The following HDAC6 variants were observed in gnomAD, a reference collection of about 807,000 sequenced individuals.
HDAC6 encodes the protein histone deacetylase 6, also known as protein deacetylase HDAC6.
HDAC6 carries 5 observed loss-of-function variants against 88.9 expected under a neutral mutation model. The ratio of observed to expected loss-of-function variants is 0.06; its 90% CI spans 0.03 to 0.12. HDAC6 has a LOEUF of 0.12. Among genes scored for constraint, HDAC6 ranks in the 10% least tolerant of loss-of-function variants. The probability of loss-of-function intolerance (pLI) is 1.00; values close to 1 mark genes in which losing one functional copy is unlikely to be tolerated. For missense variants in HDAC6, 706 were observed against 1,014.4 expected, an observed-to-expected ratio of 0.70 and a Z score of 4.13; for synonymous variants, 378 against 398.0, an observed-to-expected ratio of 0.95 and a Z score of 0.60.
intron 4 of HDAC6, 100 bp from the exon 5 acceptor site, chrX:48,805,338 G>A (rs2062797747): frequency 8.3e-6 from 5 of 604,321 alleles, no homozygotes; most frequent in Non-Finnish European, 1.3e-5. Flanking sequence ...CAGTTTTGGG[G>A]TAAGCAGCTG....
At chrX:48,812,183 G>A (rs1224003955) in intron 10 of HDAC6, among the ~76,000 whole-genome samples, 1 of 112,264 alleles carries the variant, frequency 8.9e-6, no homozygotes, top group African/African-American at 3.2e-5. Flanking sequence ...GTACACTATT[G>A]ATTACACACA....
chrX:48,817,837 G>T, intron 20 of HDAC6: 2 of 447,029 alleles, frequency 4.5e-6, no homozygotes, highest in Non-Finnish European at 7.8e-6. Context: ...CAATGACCCA[G>T]AAGAGCCCAG....
At chrX:48,817,684 G>A in intron 20 of HDAC6, 1 of 417,650 alleles carries the variant, frequency 2.4e-6, no homozygotes, top group Non-Finnish European at 4.1e-6. Context: ...TACAAAACAG[G>A]ATCCAGGGTC....
intron 20 of HDAC6, 36 bp downstream of exon 20, chrX:48,817,495 C>A: frequency 8.5e-7 from 1 of 1,171,504 alleles, no homozygotes; most frequent in South Asian, 1.9e-5. Context: ...AATCCTGATC[C>A]TTGTGGGGAC....
intron 10 of HDAC6, chrX:48,810,590 T>C (rs2062886005): frequency 9.1e-6 from 1 of 109,772 alleles, no homozygotes; most frequent in Admixed American, 9.7e-5. Context: ...CTCTCTTTTT[T>C]ATTATTTATT....
At position 48,806,037 on chromosome X, in the gene HDAC6, C is replaced by T; in HGVS notation, c.438-331C>T. Reference sequence around the variant, plus strand: ...TGCTATGTGGCTTGAGGAAAGCTAGCTTCCAGAGCAGGTATCTGAGCTGAA... The same window carrying T: ...TGCTATGTGGCTTGAGGAAAGCTAGTTTCCAGAGCAGGTATCTGAGCTGAA... On this transcript the variant is annotated intron_variant, in intron 6 of 28. Coordinates refer to ENST00000334136, the MANE Select transcript of HDAC6 (RefSeq NM_006044.4). The T allele has an allele frequency of 1.1e-5, 4 of 359,073 alleles. No individual in the cohort carries two copies. In the South Asian group the frequency reaches 1.9e-4, roughly 17 times the overall value. 29.6% of individuals were successfully genotyped at this position (359,073 alleles called of 1,213,427 possible).
In HDAC6 at chrX:48,824,268, T is replaced by C. The variant is rs1557031600; in HGVS notation, c.3553T>C (p.Tyr1185His). The change falls in exon 28 of 29, where the codon TAC becomes CAC. Residue 1185 changes from tyrosine (Y) to histidine (H), a missense_variant. Tyr to His is a moderately conservative substitution (Grantham distance 83). Transcript: ENST00000334136. ...CATCGACCTGTCAGCCTGGTGTTAC[T>C]ACTGTCAGGCCTATGTCCACCACCA... ...SYIDLSAWCY[Y>H]CQAYVHHQAL... The C allele has an allele frequency of 3.3e-6, 4 of 1,211,021 alleles. No individual in the cohort carries two copies. The South Asian group carries it at 7.0e-5, about 21-fold the overall frequency.
rs1487556253 is a variant in HDAC6 at position 48,815,589 on chromosome X, T to C, written c.1271T>C (p.Val424Ala). 1 of 1,209,177 alleles carries C rather than the reference T, an allele frequency of 8.3e-7. No homozygotes were observed. Residue 424 changes from valine to alanine, a missense_variant, in exon 16 of 29, where the codon GTT becomes GCT. Coordinates refer to ENST00000334136, the MANE Select transcript of HDAC6 (RefSeq NM_006044.4). ...GAPCRSAQAS[V>A]SCALEALEPF... Reference sequence around the variant, plus strand: ...CTGCCCTGCAGTGCCCAGGCTTCAGTTTCCTGTGCTCTGGAAGCCCTTGAG... The same window carrying C: ...CTGCCCTGCAGTGCCCAGGCTTCAGCTTCCTGTGCTCTGGAAGCCCTTGAG...
chrX:48,805,336 G>T, intron 4 of HDAC6, 102 bp from the exon 5 acceptor site: 1 of 587,874 alleles, frequency 1.7e-6, no homozygotes, highest in South Asian at 2.7e-5. Context: ...CACAGTTTTG[G>T]GGTAAGCAGC....
intron 16 of HDAC6, 107 bp from the exon 17 acceptor site, chrX:48,815,777 C>A: frequency 9.6e-7 from 1 of 1,038,873 alleles, no homozygotes; most frequent in East Asian, 3.1e-5. Context: ...TCCCTGGGCC[C>A]TGGTTTCAGG....
intron 23 of HDAC6, among the ~76,000 whole-genome samples, chrX:48,822,404 C>A (rs187310327): frequency 8.9e-6 from 1 of 111,963 alleles, no homozygotes; most frequent in Non-Finnish European, 1.9e-5. Flanking sequence ...TTATCTTGCA[C>A]TTTACATCAC....
In HDAC6 at chrX:48,808,128, G is replaced by A. The variant is rs782372385; in HGVS notation, c.728G>A (p.Arg243His). ...GCCCGCTATGCTCAACAGAAACACC[G>A]CATCCGGAGGTCAGCAACAGAGGGC... ...VAARYAQQKH[R>H]IRRVLIVDWD... Residue 243 changes from arginine (R) to histidine (H), a missense_variant, in exon 9 of 29, where the codon CGC becomes CAC. Transcript: ENST00000334136. 5 of 1,199,537 alleles carry A rather than the reference G, an allele frequency of 4.2e-6. No homozygotes were observed. The highest frequency in any genetic ancestry group is 2.2e-5 in the Admixed American group (1 of 45,422).
intron 4 of HDAC6, among the ~76,000 whole-genome samples, chrX:48,804,883 T>C (rs1295603087): frequency 2.5e-5 from 2 of 80,443 alleles, no homozygotes; most frequent in African/African-American, 5.4e-5. Context: ...GAGTAAGTCA[T>C]GGAGACAGTT....
chrX:48,803,293 T>A, intron 4 of HDAC6, 77 bp downstream of exon 4: 1 of 791,732 alleles, frequency 1.3e-6, no homozygotes, highest in Non-Finnish European at 1.9e-6. Flanking sequence ...GAATAAATCT[T>A]TTCTTACCCC....
intron 20 of HDAC6, 90 bp from the exon 21 acceptor site, chrX:48,817,951 C>T: frequency 1.2e-6 from 1 of 844,565 alleles, no homozygotes; most frequent in Middle Eastern, 4.1e-4. Flanking sequence ...CCACTCAGCA[C>T]TAAATGCCCC....
Position 48,806,634 on chromosome X carries a change from C to T in HDAC6, c.560C>T (p.Ala187Val). 1 of 1,209,328 alleles carries T rather than the reference C, an allele frequency of 8.3e-7. No homozygotes were observed. The highest frequency in any genetic ancestry group is 1.1e-6 in the Non-Finnish European group (1 of 893,359). The change falls in exon 8 of 29, where the codon GCC becomes GTC. Residue 187 changes from alanine to valine, a missense_variant. Coordinates refer to ENST00000334136, the MANE Select transcript of HDAC6 (RefSeq NM_006044.4). Reference protein sequence around the residue: ...HPNSYSCACLASGSVLRLVDA... With the variant: ...HPNSYSCACLVSGSVLRLVDA... Reference sequence around the variant, plus strand: ...AACTCATACTCCTGTGCCTGCCTGGCCTCAGGCTCTGTCCTCAGGCTGGTG... The same window carrying T: ...AACTCATACTCCTGTGCCTGCCTGGTCTCAGGCTCTGTCCTCAGGCTGGTG...
intron 14 of HDAC6, 113 bp downstream of exon 14, chrX:48,815,164 C>A: frequency 1.5e-6 from 1 of 662,757 alleles, no homozygotes; most frequent in Non-Finnish European, 2.4e-6. Context: ...GCTGGACAAC[C>A]TTGCATAAGT....
intron 20 of HDAC6, chrX:48,817,836 A>G: frequency 4.5e-6 from 2 of 446,335 alleles, no homozygotes; most frequent in Non-Finnish European, 7.8e-6. Flanking sequence ...GCAATGACCC[A>G]GAAGAGCCCA....
intron 14 of HDAC6, 69 bp from the exon 15 acceptor site, chrX:48,815,312 TATC>T (rs1160303557): frequency 3.8e-6 from 3 of 780,648 alleles, no homozygotes; most frequent in Non-Finnish European, 3.8e-6. Flanking sequence ...ACTCTCTTAT[TATC>T]ATCATTATTA....
Sources: allele counts gnomAD v4.1 joint callset (sites outside exome capture counted in the v4.1 genomes callset), GRCh38; gene constraint gnomAD v4.1.1; transcripts MANE v1.5; gene names NCBI Gene and HGNC (gene_info 2026-07-23, HGNC 2026-07-21).